Variants in ZNF486 observed in about 807,000 individuals in gnomAD.
ZNF486 encodes KRAB box only protein 2.
ZNF486 carries 12 observed loss-of-function variants against 12.8 expected under a neutral mutation model. The observed-to-expected ratio is 0.94, with a 90% CI of 0.60 to 1.52. ZNF486 has a LOEUF of 1.52. Among genes scored for constraint, ZNF486 ranks in the 40% most tolerant of loss-of-function variants. The pLI, the probability that ZNF486 is intolerant of heterozygous loss-of-function variation, is 0.00. For synonymous variants in ZNF486, 231 were observed against 184.9 expected, an observed-to-expected ratio of 1.25 and a Z score of -2.02; for missense variants, 738 against 545.0, an observed-to-expected ratio of 1.35 and a Z score of -3.53.
intron 3 of ZNF486, among the ~76,000 whole-genome samples, chr19:20,192,958 G>A (rs2089916541): frequency 6.6e-6 from 1 of 152,100 alleles, no homozygotes; most frequent in Non-Finnish European, 1.5e-5. Context: ...ACTGTTTTAT[G>A]TGTTTCTAGT....
At chr19:20,172,062 T>C (rs1334717011) in intron 1 of ZNF486, among the ~76,000 whole-genome samples, 1 of 152,096 alleles carries the variant, frequency 6.6e-6, no homozygotes, top group Non-Finnish European at 1.5e-5. Flanking sequence ...TGGAGTGCAA[T>C]GGTGCAACCT....
intron 2 of ZNF486, among the ~76,000 whole-genome samples, chr19:20,185,404 GTTTTTTTTTTT>G (rs782413355): frequency 1.4e-5 from 1 of 69,604 alleles, no homozygotes; most frequent in Non-Finnish European, 2.6e-5. Flanking sequence ...TATTGTTTAT[GTTTTTTTTTTT>G]TTTTTTTTTT....
chr19:20,181,326 T>C (rs2089782549), intron 1 of ZNF486, among the ~76,000 whole-genome samples: 1 of 152,006 alleles, frequency 6.6e-6, no homozygotes, highest in Non-Finnish European at 1.5e-5. Context: ...GATCATGAGG[T>C]CAGGAAATCG....
At position 20,173,416 on chromosome 19, in the gene ZNF486, T is replaced by C. The variant is rs534817041; in HGVS notation, c.30+6056T>C. Among the ~76,000 whole-genome samples the C allele has an allele frequency of 2.1e-3, 313 of 152,284 alleles. 1 individual carries two copies. Among genetic ancestry groups the C allele is most frequent in the Middle Eastern group, 0.02 (6 of 294 alleles). On this transcript the variant is annotated intron_variant, in intron 1 of 3. Transcript: ENST00000335117. ...GCTCTCTATTCTATTTCATTGGTCT[T>C]GTGCACTCATGGATTTTATATAACA...
At chr19:20,187,783 G>T (rs1448956453) in intron 3 of ZNF486, among the ~76,000 whole-genome samples, 2 of 152,062 alleles carry the variant, frequency 1.3e-5, no homozygotes, top group East Asian at 3.9e-4. Context: ...GATTACAGGT[G>T]TGAGCCACCA....
intron 1 of ZNF486, among the ~76,000 whole-genome samples, chr19:20,169,397 C>A (rs1051824943): frequency 6.6e-6 from 1 of 152,208 alleles, no homozygotes; most frequent in African/African-American, 2.4e-5. Flanking sequence ...GCTTGCGCCA[C>A]CGCGCCCGGC....
chr19:20,196,768 C>T (rs111626260), intron 3 of ZNF486, among the ~76,000 whole-genome samples, 196 bp from the exon 4 acceptor site: 12,074 of 152,204 alleles, frequency 0.079, 743 homozygotes, highest in African/African-American at 0.18. Context: ...TTAAAACTCA[C>T]TTATAAATTT....
chr19:20,182,808 A>G (rs1378269452), intron 1 of ZNF486, among the ~76,000 whole-genome samples: 1 of 152,152 alleles, frequency 6.6e-6, no homozygotes, highest in Admixed American at 6.5e-5. Context: ...GCAGGTAATC[A>G]TGTGTTACTG....
intron 1 of ZNF486, among the ~76,000 whole-genome samples, chr19:20,172,210 TC>T (rs1363790580): frequency 6.6e-6 from 1 of 151,640 alleles, no homozygotes; most frequent in African/African-American, 2.4e-5. Context: ...TCCACGTGGG[TC>T]AGGCTGATCA....
intron 1 of ZNF486, among the ~76,000 whole-genome samples, chr19:20,177,522 A>G (rs950936469): frequency 1.3e-5 from 2 of 152,320 alleles, no homozygotes; most frequent in South Asian, 4.2e-4. Flanking sequence ...CTGTCATTGC[A>G]GTCTCTTAAG....
At chr19:20,194,584 C>A (rs898733986) in intron 3 of ZNF486, among the ~76,000 whole-genome samples, 1 of 152,058 alleles carries the variant, frequency 6.6e-6, no homozygotes, top group Non-Finnish European at 1.5e-5. Context: ...AAAAAGTAGC[C>A]AGGCATGGTG....
intron 3 of ZNF486, among the ~76,000 whole-genome samples, chr19:20,189,210 T>A (rs1173731307): frequency 1.3e-5 from 2 of 152,146 alleles, no homozygotes; most frequent in African/African-American, 2.4e-5. Flanking sequence ...TAGCTGTGAT[T>A]ACAGGTGCCC....
chr19:20,198,227 CT>C lies in ZNF486; in HGVS notation c.*127del. The C allele has an allele frequency of 1.3e-6, 1 of 773,340 alleles. No homozygotes were observed. The highest frequency in any genetic ancestry group is 2.1e-6 in the Non-Finnish European group (1 of 484,460). The allele number at this position is 773,340 out of a possible 1,614,324, so 47.9% of individuals were successfully genotyped here. A position where few individuals can be genotyped will look rare whatever the true frequency, so the allele number is the denominator to read the frequency against. On this transcript the variant is annotated 3_prime_UTR_variant, in exon 4 of 4. Transcript: ENST00000335117. Reference sequence around the variant, plus strand: ...CACCTTCTGGGTTCAAGTAACTCTCCTTAGTAGCTAGGATTACAGGGCTGCA... The same window carrying C: ...CACCTTCTGGGTTCAAGTAACTCTCCTAGTAGCTAGGATTACAGGGCTGCA...
Position 20,197,537 on chromosome 19 carries a change from T to A in ZNF486, c.827T>A (p.Met276Lys), listed in dbSNP as rs2089971952. 1 of 1,607,490 alleles carries A rather than the reference T, an allele frequency of 6.2e-7. No individual in the cohort carries two copies. Among genetic ancestry groups the A allele is most frequent in the Non-Finnish European group, 8.5e-7 (1 of 1,177,630 alleles). The part of the protein sequence containing the change: ...YICEECGKAF[M>K]YPYTLTTHKI... ...TGTGAAGAATGTGGCAAAGCCTTTA[T>A]GTACCCCTATACCCTTACTACACAT... The change falls in exon 4 of 4, where the codon ATG (methionine) becomes AAG (lysine). Residue 276 changes from methionine to lysine, a missense_variant. By Grantham distance (95) the Met-to-Lys change is moderately conservative. Transcript: ENST00000335117.
intron 1 of ZNF486, among the ~76,000 whole-genome samples, chr19:20,168,908 T>C (rs1239663152): frequency 6.6e-6 from 1 of 151,880 alleles, no homozygotes; most frequent in East Asian, 2.0e-4. Flanking sequence ...TGGCGCGATC[T>C]CGGCTCACTG....
At position 20,186,210 on chromosome 19, in the gene ZNF486, T is replaced by TTTTATTTATTTA. The variant is rs149807694; in HGVS notation, c.253+141_253+152dup. 1.2e-5 allele frequency: 6 copies of TTTTATTTATTTA among 480,474 alleles called. No homozygotes were observed. The East Asian group carries it at 2.7e-4, about 21-fold the overall frequency. The allele number at this position is 480,474 out of a possible 1,614,324, so 29.8% of individuals were successfully genotyped here. A position where few individuals can be genotyped will look rare whatever the true frequency, so the allele number is the denominator to read the frequency against. On this transcript the variant is annotated intron_variant, in intron 3 of 3. Coordinates refer to ENST00000335117, the MANE Select transcript of ZNF486 (RefSeq NM_052852.4). The stretch of plus-strand genomic sequence containing the variant: ...AAAGGAAATAGTTCCTGGGCAGCTG[T>TTTTATTTATTTA]TTTATTTATTTATTTATTTATTTAA...
At chr19:20,189,500 G>A (rs2089882217) in intron 3 of ZNF486, among the ~76,000 whole-genome samples, 1 of 151,960 alleles carries the variant, frequency 6.6e-6, no homozygotes, top group Non-Finnish European at 1.5e-5. Flanking sequence ...CAACAGATTG[G>A]GTGTTTTTAA....
chr19:20,186,784 G>GTTTTTTTTTTTTTTTTTT (rs57907168), intron 3 of ZNF486, among the ~76,000 whole-genome samples: 1 of 122,460 alleles, frequency 8.2e-6, no homozygotes. Flanking sequence ...ATTTTCATAG[G>GTTTTTTTTTTTTTTTTTT]TTTTTTTTTT....
At chr19:20,179,148 T>C (rs1219628702) in intron 1 of ZNF486, among the ~76,000 whole-genome samples, 1 of 152,236 alleles carries the variant, frequency 6.6e-6, no homozygotes, top group African/African-American at 2.4e-5. Context: ...TTTCTCCCAC[T>C]TTGAACGATG....
Sources: gnomAD v4.1 joint callset for allele counts (sites outside exome capture counted in the v4.1 genomes callset) on GRCh38, gnomAD v4.1.1 for gene constraint, MANE v1.5 for transcripts, NCBI Gene and HGNC (gene_info 2026-07-23, HGNC 2026-07-21) for gene names.